DDX60L: variants seen among roughly 807,000 people sequenced by gnomAD.
DDX60L encodes probable ATP-dependent RNA helicase DDX60-like.
In DDX60L, 191 loss-of-function variants were observed where a neutral mutation model predicts 211.6. The ratio of observed to expected loss-of-function variants is 0.90; its 90% confidence interval spans 0.80 to 1.02. DDX60L has a LOEUF of 1.02. DDX60L is among the 50% of genes least tolerant of loss of function. DDX60L has a pLI of 0.00. For missense variants in DDX60L, 2,007 were observed against 1,984.1 expected (o/e 1.01, Z -0.22); for synonymous variants, 706 against 694.1 (o/e 1.02, Z -0.27).
In DDX60L at chr4:168,375,420, C is replaced by A. The variant is rs754779863; in HGVS notation, c.4590G>T (p.Ser1530=). The change falls in exon 34 of 38, where the codon TCG becomes TCT. Residue 1530 remains serine (S), a synonymous_variant. Coordinates refer to ENST00000682922, the MANE Select transcript of DDX60L (RefSeq NM_001012967.3). ...FASFLLIASK[S]VNMKKEHQLP... is the part of the protein sequence containing the mutation. ...GTTGATGCTCTTTTTTCATGTTCAC[C>A]GACTTGGAAGCAATCAGCAGGAAGG... is the stretch of plus-strand genomic sequence containing the variant. 1.9e-6 allele frequency: 3 copies of A among 1,612,390 alleles called. No individual in the cohort carries two copies. In the African/African-American group the frequency reaches 4.0e-5, roughly 22 times the overall value.
rs751545462 is a variant in DDX60L at position 168,420,307 on chromosome 4, C to T, written c.2468G>A (p.Cys823Tyr). Residue 823 changes from cysteine to tyrosine, a missense_variant, in exon 18 of 38, where the codon TGC (cysteine) becomes TAC (tyrosine). By Grantham distance (194) the Cys-to-Tyr change is radical. Transcript: ENST00000682922. ...TKTLPAGRTL[C>Y]GAFTRDYCHN... ...ACAATAATCTCTTGTAAAAGCACCGCATAGAGTTCTGCCGGCAGGCAACGT... is the reference window on the plus strand; with the variant it reads ...ACAATAATCTCTTGTAAAAGCACCGTATAGAGTTCTGCCGGCAGGCAACGT... The T allele has an allele frequency of 9.3e-6, 15 of 1,611,244 alleles. No individual in the cohort carries two copies. The Admixed American group carries it at 1.3e-4, about 14-fold the overall frequency.
chr4:168,430,702 C>G, intron 12 of DDX60L, 64 bp from the exon 13 acceptor site: 14 of 1,208,940 alleles, frequency 1.2e-5, no homozygotes, highest in African/African-American at 1.6e-5. Flanking sequence ...TGTGTGCTAC[C>G]CACACATTAT....
intron 29 of DDX60L, 127 bp from the exon 30 acceptor site, chr4:168,384,939 T>C: frequency 2.1e-6 from 2 of 970,230 alleles, no homozygotes. Flanking sequence ...CTGAAACTAA[T>C]CTATGTTAAC....
chr4:168,422,915 T>C (rs1750865138), intron 15 of DDX60L, among the ~76,000 whole-genome samples: 1 of 151,394 alleles, frequency 6.6e-6, no homozygotes. Context: ...CCCTATCCCA[T>C]GCCCTGGCTG....
intron 37 of DDX60L, 49 bp from the exon 38 acceptor site, chr4:168,358,325 T>C (rs1738479498): frequency 2.3e-6 from 3 of 1,307,396 alleles, no homozygotes; most frequent in Non-Finnish European, 3.1e-6. Context: ...CACATTTTTA[T>C]AACAATCAAT....
At chr4:168,423,367 AG>A (rs1035116343) in intron 15 of DDX60L, among the ~76,000 whole-genome samples, 1 of 152,118 alleles carries the variant, frequency 6.6e-6, no homozygotes, top group African/African-American at 2.4e-5. Flanking sequence ...GATATCATCT[AG>A]TATTTAATTT....
At chr4:168,366,129 G>A (rs1739946286) in intron 36 of DDX60L, among the ~76,000 whole-genome samples, 1 of 152,040 alleles carries the variant, frequency 6.6e-6, no homozygotes, top group Non-Finnish European at 1.5e-5. Context: ...AGTACTAGTA[G>A]TCCTAGCCAG....
intron 34 of DDX60L, among the ~76,000 whole-genome samples, chr4:168,374,732 G>A (rs951560897): frequency 6.6e-6 from 1 of 152,184 alleles, no homozygotes; most frequent in African/African-American, 2.4e-5. Context: ...TAGCTAGCTG[G>A]TGGCTACCAT....
intron 29 of DDX60L, among the ~76,000 whole-genome samples, chr4:168,389,524 G>T (rs1346188925): frequency 6.6e-6 from 1 of 152,182 alleles, no homozygotes; most frequent in Non-Finnish European, 1.5e-5. Context: ...AGGAAGGAAG[G>T]TGCATAGCTT....
intron 28 of DDX60L, among the ~76,000 whole-genome samples, chr4:168,391,948 A>G (rs1377858838): frequency 6.6e-6 from 1 of 152,164 alleles, no homozygotes; most frequent in East Asian, 1.9e-4. Flanking sequence ...TCGTTTCTAA[A>G]ATAACCATGT....
In DDX60L at chr4:168,394,480, T is replaced by C; in HGVS notation, c.3795A>G (p.Val1265=). The C allele has an allele frequency of 6.2e-7, 1 of 1,605,552 alleles. No homozygotes were observed. The highest frequency in any genetic ancestry group is 8.5e-7 in the Non-Finnish European group (1 of 1,177,268). ...ATTTACCTACCCTAATAAGCCCTTT[T>C]ACAAAGAGTATCTCAACAAACTCTT... ...KEKEFVEILF[V]KGLIRVVTAT... Residue 1265 remains valine (V), a synonymous_variant, in exon 28 of 38, where the codon GTA becomes GTG. Transcript: ENST00000682922.
Position 168,441,355 on chromosome 4 carries a change from CTT to C in DDX60L, c.1274_1275del (p.Gln425ArgfsTer15), listed in dbSNP as rs1461598273. Reference sequence around the variant, plus strand: ...TTAGTACCTTGAATGACCGATTTCTCTTGTCTAAGAAAATGTCTTCTTGTTGT... The same window carrying C: ...TTAGTACCTTGAATGACCGATTTCTCGTCTAAGAAAATGTCTTCTTGTTGT... ...LRTTRRHFLR[Q>X]EKSVIQEISL... On this transcript the variant is annotated frameshift_variant, in exon 10 of 38. Transcript: ENST00000682922. LOFTEE classifies it high-confidence loss of function. The C allele has an allele frequency of 6.2e-7, 1 of 1,607,792 alleles. No individual in the cohort carries two copies. The highest frequency in any genetic ancestry group is 1.3e-5 in the African/African-American group (1 of 74,750).
intron 1 of DDX60L, among the ~76,000 whole-genome samples, chr4:168,479,598 T>G (rs937791242): frequency 2.0e-5 from 3 of 152,132 alleles, no homozygotes; most frequent in African/African-American, 7.2e-5. Flanking sequence ...AATGTAACTT[T>G]GTAAACAAAA....
chr4:168,460,295 A>G (rs1412338678), intron 5 of DDX60L, among the ~76,000 whole-genome samples: 1 of 152,230 alleles, frequency 6.6e-6, no homozygotes, highest in Non-Finnish European at 1.5e-5. Flanking sequence ...TAATGAGCCT[A>G]TCATAATGCT....
At chr4:168,429,307 G>C (rs189626236) in intron 13 of DDX60L, among the ~76,000 whole-genome samples, 136 of 152,142 alleles carry the variant, frequency 8.9e-4, no homozygotes, top group Admixed American at 3.2e-3. Context: ...ACCATTCCTA[G>C]CTATTTTTTT....
intron 8 of DDX60L, among the ~76,000 whole-genome samples, chr4:168,452,255 T>C (rs1164804584): frequency 1.3e-5 from 2 of 152,218 alleles, no homozygotes; most frequent in African/African-American, 4.8e-5. Context: ...TTTCCATACC[T>C]TTTTGGCTTA....
intron 9 of DDX60L, among the ~76,000 whole-genome samples, chr4:168,442,796 A>G (rs1754133033): frequency 1.3e-5 from 2 of 151,176 alleles, no homozygotes; most frequent in South Asian, 2.1e-4. Context: ...GGGTACTCCA[A>G]CAGACCTGCA....
At chr4:168,373,443 C>T (rs967284032) in intron 35 of DDX60L, among the ~76,000 whole-genome samples, 2 of 152,018 alleles carry the variant, frequency 1.3e-5, no homozygotes, top group African/African-American at 4.8e-5. Flanking sequence ...TGAGAAAAAA[C>T]AGTGGTGTCT....
chr4:168,359,588 G>T (rs933235023), intron 37 of DDX60L, among the ~76,000 whole-genome samples: 2 of 152,088 alleles, frequency 1.3e-5, no homozygotes, highest in Non-Finnish European at 2.9e-5. Context: ...TTAGCTCCCT[G>T]CTTTCAGTTT....
Sources: gnomAD v4.1 joint callset for allele counts (sites outside exome capture counted in the v4.1 genomes callset) on GRCh38, gnomAD v4.1.1 for gene constraint, MANE v1.5 for transcripts, NCBI Gene and HGNC (gene_info 2026-07-23, HGNC 2026-07-21) for gene names.